RFX2: variants seen among roughly 807,000 people sequenced by gnomAD.
RFX2 encodes regulatory factor X2.
RFX2 carries 20 observed loss-of-function variants against 87.8 expected under a neutral mutation model. The observed-to-expected ratio is 0.23, with a 90% CI of 0.16 to 0.33. The LOEUF is 0.33. RFX2 is among the 10% of genes least tolerant of loss of function. The pLI is 1.00. For missense variants in RFX2, 767 were observed against 1,012.3 expected (o/e 0.76, Z 3.29); for synonymous variants, 397 against 431.3 (o/e 0.92, Z 0.98).
chr19:6,068,916 G>A (rs892549477), intron 1 of RFX2, among the ~76,000 whole-genome samples: 3 of 152,178 alleles, frequency 2.0e-5, no homozygotes, highest in Admixed American at 1.3e-4. Flanking sequence ...TGATAATCTG[G>A]GCAAGGGAGG....
Position 6,010,899 on chromosome 19 carries a change from C to T in RFX2, c.900-648G>A, listed in dbSNP as rs1473748399. 1.3e-5 allele frequency among the ~76,000 whole-genome samples: 2 copies of T among 152,114 alleles called. No individual in the cohort carries two copies. Among genetic ancestry groups the T allele is most frequent in the African/African-American group, 2.4e-5 (1 of 41,432 alleles). ...TGGGAGGCCGAGGCAGGTGGATCATCTGAGGTCGGGAGTTCGAGACCAGCC... is the reference window on the plus strand; with the variant it reads ...TGGGAGGCCGAGGCAGGTGGATCATTTGAGGTCGGGAGTTCGAGACCAGCC... On this transcript the variant is annotated intron_variant, in intron 8 of 17. Coordinates refer to ENST00000303657, the MANE Select transcript of RFX2 (RefSeq NM_000635.4). This position sits in a 1 kb window ranked among gnomAD's most constrained non-coding sequence, Gnocchi z 5.0.
rs898636066 is a variant in RFX2 at position 6,011,880 on chromosome 19, T to C, written c.899+1106A>G. 1.2e-4 allele frequency among the ~76,000 whole-genome samples: 18 copies of C among 152,306 alleles called. No individual in the cohort carries two copies. Among genetic ancestry groups the C allele is most frequent in the African/African-American group, 4.3e-4 (18 of 41,570 alleles). On this transcript the variant is annotated intron_variant, in intron 8 of 17. Transcript: ENST00000303657. This position sits in a 1 kb window ranked among gnomAD's most constrained non-coding sequence, Gnocchi z 4.8. The stretch of plus-strand genomic sequence containing the variant: ...GGCCCCTGCCCTCAGGGGGGGCACT[T>C]GTGGAGGCACACTGGGAGGCAGTGA...
intron 1 of RFX2, among the ~76,000 whole-genome samples, chr19:6,081,457 T>A (rs1410036022): frequency 3.9e-5 from 6 of 152,254 alleles, no homozygotes; most frequent in Non-Finnish European, 8.8e-5. Flanking sequence ...ATTAAATAAT[T>A]AAGCATTTAG....
chr19:6,051,188 T>C (rs973203689), intron 1 of RFX2, among the ~76,000 whole-genome samples: 2 of 152,246 alleles, frequency 1.3e-5, no homozygotes, highest in Non-Finnish European at 2.9e-5. Context: ...AATTTGGATC[T>C]ATTAGGAGTA....
At chr19:6,008,906 C>T (rs2086625181) in intron 9 of RFX2, among the ~76,000 whole-genome samples, 1 of 151,932 alleles carries the variant, frequency 6.6e-6, no homozygotes, top group Admixed American at 6.6e-5. Context: ...TCTCAAACTC[C>T]CAACCTCAAG....
At chr19:6,088,211 CTTTTTTT>C (rs1030226963) in intron 1 of RFX2, among the ~76,000 whole-genome samples, 1 of 84,390 alleles carries the variant, frequency 1.2e-5, no homozygotes, top group African/African-American at 4.8e-5. Context: ...GGCACTACAG[CTTTTTTT>C]TTTTTTTTTT....
intron 1 of RFX2, among the ~76,000 whole-genome samples, chr19:6,052,924 G>GA (rs892128983): frequency 1.3e-5 from 2 of 151,604 alleles, no homozygotes; most frequent in African/African-American, 4.8e-5. Context: ...AAATTATTAA[G>GA]AAAAAAAAGT....
chr19:6,089,263 G>A (rs1342011015), intron 1 of RFX2, among the ~76,000 whole-genome samples: 1 of 152,194 alleles, frequency 6.6e-6, no homozygotes, highest in Admixed American at 6.5e-5. Context: ...CGTCCAGCAG[G>A]TCAGGGACAC....
rs564791491 is a variant in RFX2 at position 6,031,578 on chromosome 19, C to T, written c.523-5341G>A. On this transcript the variant is annotated intron_variant, in intron 5 of 17. Transcript: ENST00000303657. ...CCGAGCAGCTGGGATTACAGGTGCC[C>T]GCCACCATGCTCAGCTCATTTTTGT... is the stretch of plus-strand genomic sequence containing the variant. 4.0e-5 allele frequency among the ~76,000 whole-genome samples: 6 copies of T among 151,430 alleles called. 1 individual carries two copies. The highest frequency in any genetic ancestry group is 4.2e-4 in the South Asian group (2 of 4,778).
At position 6,026,067 on chromosome 19, in the gene RFX2, G is replaced by A. The variant is rs1232107485; in HGVS notation, c.597+96C>T. On this transcript the variant is annotated intron_variant, in intron 6 of 17. Coordinates refer to ENST00000303657, the MANE Select transcript of RFX2 (RefSeq NM_000635.4). This position sits in a 1 kb window ranked among gnomAD's most constrained non-coding sequence, Gnocchi z 4.5. ...CCCAAAGTGCTGGGATTACAGGTGT[G>A]AGCCACCGCACCTGGTTGCCTTCAT... 11 of 1,036,932 alleles carry A rather than the reference G, an allele frequency of 1.1e-5. No individual in the cohort carries two copies. The highest frequency in any genetic ancestry group is 1.6e-5 in the Non-Finnish European group (11 of 670,122). The allele number at this position is 1,036,932 out of a possible 1,614,324, so 64.2% of individuals were successfully genotyped here.
At position 6,101,092 on chromosome 19, in the gene RFX2, C is replaced by A. The variant is rs2040419587; in HGVS notation, c.-9+9301G>T. Among the ~76,000 whole-genome samples, 1 of 152,168 alleles carries A rather than the reference C, an allele frequency of 6.6e-6. No individual in the cohort carries two copies. Among genetic ancestry groups the A allele is most frequent in the African/African-American group, 2.4e-5 (1 of 41,430 alleles). On this transcript the variant is annotated intron_variant, in intron 1 of 17. Transcript: ENST00000303657. The surrounding 1 kb of genome is among the most constrained non-coding windows in gnomAD (Gnocchi z 4.9). Reference sequence around the variant, plus strand: ...TGCCTTCTCCCCTCTCAACTGTCCACATGACGATATATTAATACACGTAAA... The same window carrying A: ...TGCCTTCTCCCCTCTCAACTGTCCAAATGACGATATATTAATACACGTAAA...
In RFX2 at chr19:6,026,564, C is replaced by A. The variant is rs1257727149; in HGVS notation, c.523-327G>T. 2.7e-6 allele frequency: 1 copy of A among 364,234 alleles called. No homozygotes were observed. The highest frequency in any genetic ancestry group is 5.1e-6 in the Non-Finnish European group (1 of 196,430). The allele number at this position is 364,234 out of a possible 1,614,324, so 22.6% of individuals were successfully genotyped here. A position where few individuals can be genotyped will look rare whatever the true frequency, so the allele number is the denominator to read the frequency against. ...ACGCCGTAGCATTAATATGCAGCCA[C>A]TGCATCCATTCCAGTGTCAGCCAAG... On this transcript the variant is annotated intron_variant, in intron 5 of 17. Transcript: ENST00000303657. This position sits in a 1 kb window ranked among gnomAD's most constrained non-coding sequence, Gnocchi z 4.5.
rs368023215 is a variant in RFX2, at chr19:5,994,940, G to A, written c.2067C>T (p.Gly689=). The A allele has an allele frequency of 3.7e-5, 59 of 1,606,544 alleles. 1 individual carries two copies. Among genetic ancestry groups the A allele is most frequent in the Admixed American group, 2.7e-4 (16 of 59,982 alleles). The change falls in exon 18 of 18, where the codon GGC becomes GGT. Residue 689 remains glycine, a synonymous_variant. Transcript: ENST00000303657. ...CCGCCTCGCTGCCACGCTGCTCATC[G>A]CCCATGTCATCTGCGGAGGGAGGGG... is the stretch of plus-strand genomic sequence containing the variant. ...SLTLLDKDDM[G]DEQRGSEAGP... is the part of the protein sequence containing the mutation.
chr19:6,006,969 A>G, intron 12 of RFX2, 43 bp downstream of exon 12: 2 of 1,602,322 alleles, frequency 1.2e-6, no homozygotes. Flanking sequence ...GGAGGCAGGA[A>G]GAGAGGATGG....
At chr19:6,090,943 C>T (rs1350621312) in intron 1 of RFX2, among the ~76,000 whole-genome samples, 2 of 152,244 alleles carry the variant, frequency 1.3e-5, no homozygotes, top group African/African-American at 2.4e-5. Context: ...TGAAAGAAGT[C>T]AGTCACGAAA....
intron 5 of RFX2, among the ~76,000 whole-genome samples, chr19:6,035,995 C>A (rs1477025405): frequency 1.3e-5 from 2 of 152,070 alleles, no homozygotes; most frequent in African/African-American, 4.8e-5. Flanking sequence ...AGGGTCTGAG[C>A]AGTATGTTTG....
intron 1 of RFX2, among the ~76,000 whole-genome samples, chr19:6,097,709 A>T (rs1189829641): frequency 1.3e-5 from 2 of 152,066 alleles, no homozygotes; most frequent in Non-Finnish European, 2.9e-5. Flanking sequence ...CAGCCTCCTG[A>T]GTAGCTGGGA....
intron 1 of RFX2, among the ~76,000 whole-genome samples, chr19:6,102,961 A>G (rs962700740): frequency 6.6e-6 from 1 of 152,134 alleles, no homozygotes; most frequent in Admixed American, 6.6e-5. Context: ...GCGAGACTTC[A>G]TCTCGTTTTT....
chr19:6,011,452 T>C lies in RFX2; in HGVS notation c.900-1201A>G, dbSNP rs902965055. Reference sequence around the variant, plus strand: ...GGAGACCATGCTGGCGAGGTGTGTGTAAACCACCTGGCTCAGGGCAGGCCG... The same window carrying C: ...GGAGACCATGCTGGCGAGGTGTGTGCAAACCACCTGGCTCAGGGCAGGCCG... On this transcript the variant is annotated intron_variant, in intron 8 of 17. Transcript: ENST00000303657. The surrounding 1 kb of genome is among the most constrained non-coding windows in gnomAD (Gnocchi z 4.8). 3.3e-5 allele frequency among the ~76,000 whole-genome samples: 5 copies of C among 152,194 alleles called. No individual in the cohort carries two copies. Among genetic ancestry groups the C allele is most frequent in the African/African-American group, 1.2e-4 (5 of 41,442 alleles).
Sources: gnomAD v4.1 joint callset for allele counts (sites outside exome capture counted in the v4.1 genomes callset) on GRCh38, gnomAD v4.1.1 for gene constraint, Gnocchi (gnomAD v3.1) non-coding constraint, MANE v1.5 for transcripts, NCBI Gene and HGNC (gene_info 2026-07-23, HGNC 2026-07-21) for gene names.